Variants in CPED1 observed in about 807,000 individuals in gnomAD.
The protein encoded by CPED1 is cadherin-like and PC-esterase domain-containing protein 1.
CPED1 carries 114 observed loss-of-function variants against 128.2 expected under a neutral mutation model. The ratio of observed to expected loss-of-function variants is 0.89; its 90% CI spans 0.76 to 1.04. CPED1 has a LOEUF of 1.04. Among genes scored for constraint, CPED1 ranks in the 50% least tolerant of loss-of-function variants. CPED1 has a pLI of 0.00. For synonymous variants in CPED1, 462 were observed against 426.7 expected, an observed-to-expected ratio of 1.08 and a Z score of -1.02; for missense variants, 1,211 against 1,207.1, an observed-to-expected ratio of 1.00 and a Z score of -0.05.
At chr7:121,155,897 A>C (rs1328457482) in intron 16 of CPED1, among the ~76,000 whole-genome samples, 1 of 152,180 alleles carries the variant, frequency 6.6e-6, no homozygotes, top group African/African-American at 2.4e-5. Context: ...CAAAGGAAAC[A>C]ATCAATGAAG....
At chr7:121,160,815 A>G (rs1006615937) in intron 16 of CPED1, among the ~76,000 whole-genome samples, 2 of 152,114 alleles carry the variant, frequency 1.3e-5, no homozygotes, top group East Asian at 3.9e-4. Context: ...CCAGCAGGAG[A>G]TGAAAAGATA....
intron 11 of CPED1, among the ~76,000 whole-genome samples, chr7:121,129,279 GTATATATGTATA>G: frequency 1.1e-5 from 1 of 88,698 alleles, no homozygotes; most frequent in African/African-American, 4.7e-5. Context: ...ATGTGTGTGT[GTATATATGTATA>G]TATATATATA....
rs753482983 is a variant in CPED1 at position 121,115,307 on chromosome 7, G to T, written c.919-9024G>T. ...AAATATTGTTTGGTGTGAGAGAGGT[G>T]TAAGGTAACTGACATGAGAAAGGTG... On this transcript the variant is annotated intron_variant, in intron 7 of 22. Transcript: ENST00000310396. Among the ~76,000 whole-genome samples, 3 of 152,310 alleles carry T rather than the reference G, an allele frequency of 2.0e-5. No individual in the cohort carries two copies. The South Asian group carries it at 6.2e-4, about 32-fold the overall frequency.
At chr7:121,129,027 C>T (rs567299943) in intron 11 of CPED1, among the ~76,000 whole-genome samples, 1 of 151,666 alleles carries the variant, frequency 6.6e-6, no homozygotes, top group East Asian at 1.9e-4. Flanking sequence ...TTCATTTTAT[C>T]TTCTATGTAT....
chr7:121,064,929 A>C (rs1793789526), intron 5 of CPED1, among the ~76,000 whole-genome samples: 1 of 152,156 alleles, frequency 6.6e-6, no homozygotes, highest in Non-Finnish European at 1.5e-5. Context: ...CCATCAGTGA[A>C]AGGGTTCCTC....
At chr7:121,083,755 G>A (rs1390438973) in intron 5 of CPED1, 1 of 152,144 alleles carries the variant, frequency 6.6e-6, no homozygotes, top group Non-Finnish European at 1.5e-5. Context: ...GACCAAGCCC[G>A]ACCCTGCTTA....
rs77601939 is a variant in CPED1, at chr7:121,072,411, A to G, written c.616+8098A>G. 5.6e-3 allele frequency among the ~76,000 whole-genome samples: 850 copies of G among 152,128 alleles called. 10 individuals carry two copies. Among genetic ancestry groups the G allele is most frequent in the Middle Eastern group, 0.017 (5 of 292 alleles). The stretch of plus-strand genomic sequence containing the variant: ...TTCATACCAAAAAATTTTAAGAACT[A>G]CTCCCAGCATTCATAGTATAGAAGA... On this transcript the variant is annotated intron_variant, in intron 5 of 22. Transcript: ENST00000310396.
intron 5 of CPED1, chr7:121,083,758 C>G (rs1317442909): frequency 6.6e-6 from 1 of 152,178 alleles, no homozygotes; most frequent in East Asian, 1.9e-4. Flanking sequence ...CAAGCCCGAC[C>G]CTGCTTAACT....
chr7:121,120,540 C>T (rs766686051), intron 7 of CPED1, among the ~76,000 whole-genome samples: 1 of 151,972 alleles, frequency 6.6e-6, no homozygotes, highest in Non-Finnish European at 1.5e-5. Context: ...CAAGAGAAAC[C>T]CTGGTATACT....
rs1327431042 is a variant in CPED1, at chr7:121,266,333, A to G, written c.2417A>G (p.Tyr806Cys). 1 of 1,613,120 alleles carries G rather than the reference A, an allele frequency of 6.2e-7. No homozygotes were observed. The highest frequency in any genetic ancestry group is 1.3e-5 in the African/African-American group (1 of 74,858). Residue 806 changes from tyrosine (Y) to cysteine (C), a missense_variant, in exon 19 of 23, where the codon TAT (tyrosine) becomes TGT (cysteine). Tyr to Cys is a radical substitution (Grantham distance 194, BLOSUM62 -2). Transcript: ENST00000310396. ...EWQKVHGTKF[Y>C]HNVNGGKTLI... ...CAGAAAGTACATGGCACTAAATTCT[A>G]TCACAACGTCAATGGTGGGAAGACT...
At chr7:121,269,115 C>A (rs1015661880) in intron 21 of CPED1, among the ~76,000 whole-genome samples, 1 of 152,008 alleles carries the variant, frequency 6.6e-6, no homozygotes, top group Non-Finnish European at 1.5e-5. Flanking sequence ...GTAAGTGTAG[C>A]AAGCGTAGTA....
intron 16 of CPED1, among the ~76,000 whole-genome samples, chr7:121,231,651 G>A (rs1359160626): frequency 6.6e-6 from 1 of 152,040 alleles, no homozygotes; most frequent in Non-Finnish European, 1.5e-5. Context: ...GGATTGGAGA[G>A]TTGCTGTGTA....
intron 16 of CPED1, among the ~76,000 whole-genome samples, chr7:121,195,825 G>C (rs868543510): frequency 5.5e-4 from 83 of 152,100 alleles, no homozygotes; most frequent in African/African-American, 1.9e-3. Flanking sequence ...AAAACCTCAA[G>C]CTTGGTTGGT....
intron 16 of CPED1, among the ~76,000 whole-genome samples, chr7:121,169,718 T>C (rs1254939611): frequency 9.9e-5 from 15 of 152,132 alleles, no homozygotes; most frequent in Admixed American, 7.2e-4. Context: ...GGCTAGTGAG[T>C]TCAGAGAGAA....
chr7:121,283,378 G>A (rs964266787), intron 22 of CPED1, among the ~76,000 whole-genome samples: 1 of 152,114 alleles, frequency 6.6e-6, no homozygotes, highest in South Asian at 2.1e-4. Flanking sequence ...GTTCTAGAAA[G>A]CTATCTACAA....
chr7:121,095,089 A>G (rs1234074975), intron 5 of CPED1, among the ~76,000 whole-genome samples: 1 of 152,212 alleles, frequency 6.6e-6, no homozygotes, highest in Non-Finnish European at 1.5e-5. Flanking sequence ...ATGTTAATGA[A>G]CTAGGCTATT....
chr7:121,029,208 C>T (rs538230533), intron 3 of CPED1, among the ~76,000 whole-genome samples: 1 of 152,142 alleles, frequency 6.6e-6, no homozygotes, highest in East Asian at 1.9e-4. Context: ...TTATTTTTAG[C>T]ATAGATTTCT....
chr7:121,230,698 A>G (rs1798115396), intron 16 of CPED1, among the ~76,000 whole-genome samples: 3 of 152,056 alleles, frequency 2.0e-5, no homozygotes. Flanking sequence ...AGAAGAAACA[A>G]GAGAGGAGAA....
intron 5 of CPED1, among the ~76,000 whole-genome samples, chr7:121,075,207 GT>G (rs1046663546): frequency 6.6e-6 from 1 of 152,036 alleles, no homozygotes; most frequent in African/African-American, 2.4e-5. Context: ...ATTTTTTTTA[GT>G]TTTTACTGCA....
Sources: gnomAD v4.1 joint callset for allele counts (sites outside exome capture counted in the v4.1 genomes callset) on GRCh38, gnomAD v4.1.1 for gene constraint, MANE v1.5 for transcripts, NCBI Gene and HGNC (gene_info 2026-07-23, HGNC 2026-07-21) for gene names.